SEC16A: variants seen among roughly 807,000 people sequenced by gnomAD.
SEC16A encodes SEC16 homolog A, endoplasmic reticulum export factor.
Under a neutral mutation model 221.9 loss-of-function variants are expected in SEC16A, and 110 were observed. The observed-to-expected ratio is 0.50, with a 90% CI of 0.42 to 0.58. The LOEUF (loss-of-function observed/expected upper bound fraction) is 0.58, where lower values mean the gene tolerates loss of function less well. Among genes scored for constraint, SEC16A ranks in the 20% least tolerant of loss-of-function variants. SEC16A has a pLI of 0.00. For synonymous variants in SEC16A, 1,393 were observed against 1,257.7 expected (o/e 1.11, Z -2.28); for missense variants, 3,165 against 3,097.8 (o/e 1.02, Z -0.52).
In SEC16A at chr9:136,440,339, T is replaced by C. The variant is rs1053168630; in HGVS notation, c.*1416A>G. On this transcript the variant is annotated 3_prime_UTR_variant, in exon 32 of 32. Transcript: ENST00000684901. ...CCTTTCTCCAAGTGACAAGGACAAA[T>C]GGATCCAGCGGGACACGCCTGTGGA... 6 of 152,358 alleles carry C rather than the reference T, an allele frequency of 3.9e-5. No homozygotes were observed. Among genetic ancestry groups the C allele is most frequent in the African/African-American group, 1.4e-4 (6 of 41,446 alleles). 9.4% of individuals were successfully genotyped at this position (152,358 alleles called of 1,614,324 possible). A position where few individuals can be genotyped will look rare whatever the true frequency, so the allele number is the denominator to read the frequency against.
Position 136,453,515 on chromosome 9 carries a change from C to G in SEC16A, c.6077-5G>C, listed in dbSNP as rs1291263291. 6.2e-7 allele frequency: 1 copy of G among 1,610,444 alleles called. No homozygotes were observed. Among genetic ancestry groups the G allele is most frequent in the South Asian group, 1.1e-5 (1 of 90,974 alleles). ...GCGCCTCCTGCGGCACTATCCCTGT[C>G]AACGGGAAAGAGAGCAACTATGATC... On this transcript the variant is annotated splice_polypyrimidine_tract_variant and splice_region_variant and intron_variant, in intron 21 of 31. Transcript: ENST00000684901.
chr9:136,467,163 A>T (rs1255275394), intron 5 of SEC16A, 80 bp from the exon 6 acceptor site: 1 of 1,531,238 alleles, frequency 6.5e-7, no homozygotes, highest in Non-Finnish European at 8.9e-7. Flanking sequence ...AAGCGACACC[A>T]CCCCAGGACT....
At chr9:136,470,009 C>T (rs1840651931) in intron 4 of SEC16A, among the ~76,000 whole-genome samples, 1 of 152,386 alleles carries the variant, frequency 6.6e-6, no homozygotes, top group South Asian at 2.1e-4. Context: ...AGTCATTCAT[C>T]AGGAGCAACA....
chr9:136,478,402 CAAA>C (rs34093106), intron 2 of SEC16A, among the ~76,000 whole-genome samples: 22 of 95,218 alleles, frequency 2.3e-4, no homozygotes, highest in Non-Finnish European at 1.8e-4. Context: ...GTCCCTAGCT[CAAA>C]AAAAAAAAAA....
At chr9:136,446,757 A>G (rs1837048869) in intron 28 of SEC16A, 98 bp downstream of exon 28, 3 of 1,248,626 alleles carry the variant, frequency 2.4e-6, no homozygotes, top group African/African-American at 3.0e-5. Flanking sequence ...CTACGTACAC[A>G]TTGGATACTG....
In SEC16A at chr9:136,441,731, G is replaced by T; in HGVS notation, c.*24C>A. 1 of 1,611,036 alleles carries T rather than the reference G, an allele frequency of 6.2e-7. No individual in the cohort carries two copies. ...GAGAACAGCAGCGTCAGGGCTCCAA[G>T]TGCAAGTTCACAGCAGGGCAAGCCT... On this transcript the variant is annotated 3_prime_UTR_variant, in exon 32 of 32. Transcript: ENST00000684901.
intron 4 of SEC16A, among the ~76,000 whole-genome samples, chr9:136,469,758 C>G (rs970478749): frequency 6.6e-6 from 1 of 152,216 alleles, no homozygotes; most frequent in Non-Finnish European, 1.5e-5. Context: ...GGAGACATCA[C>G]GGGAGCTGCA....
In SEC16A at chr9:136,473,655, C is replaced by T. The variant is rs192393585; in HGVS notation, c.3567+394G>A. The stretch of plus-strand genomic sequence containing the variant: ...CTATGGTTATACCCAATGCTTCTGA[C>T]GTAAGCTTCCAGAGGCTAGCCCAGC... On this transcript the variant is annotated intron_variant, in intron 3 of 31. Coordinates refer to ENST00000684901, the MANE Select transcript of SEC16A (RefSeq NM_014866.2). 2.8e-4 allele frequency among the ~76,000 whole-genome samples: 42 copies of T among 152,354 alleles called. 1 individual carries two copies. Among genetic ancestry groups the T allele is most frequent in the Admixed American group, 5.9e-4 (9 of 15,308 alleles).
rs1841322401 is a variant in SEC16A at position 136,474,337 on chromosome 9, G to A, written c.3279C>T (p.Ala1093=). 1 of 1,612,378 alleles carries A rather than the reference G, an allele frequency of 6.2e-7. No individual in the cohort carries two copies. Among genetic ancestry groups the A allele is most frequent in the Non-Finnish European group, 8.5e-7 (1 of 1,179,634 alleles). Residue 1093 remains alanine, a synonymous_variant, in exon 3 of 32, where the codon GCC becomes GCT. Transcript: ENST00000684901. ...TTGCTGGTGACTGTGCTGAGTTCTG[G>A]GCCTGTCCCTGTGCGGGCAGACTTT... The part of the protein sequence containing the change: ...NPESLPAQGQ[A]QNSAQSPASL...
intron 4 of SEC16A, among the ~76,000 whole-genome samples, 180 bp downstream of exon 4, chr9:136,471,795 C>T (rs1019242098): frequency 2.6e-5 from 4 of 152,238 alleles, no homozygotes; most frequent in Non-Finnish European, 5.9e-5. Context: ...TGTTTAATTT[C>T]ATTTAAAAAC....
At chr9:136,461,853 T>A (rs1020029336) in intron 12 of SEC16A, among the ~76,000 whole-genome samples, 1 of 151,310 alleles carries the variant, frequency 6.6e-6, no homozygotes, top group Non-Finnish European at 1.5e-5. Context: ...ATGCCTATAA[T>A]CCCAGCACTT....
At position 136,466,041 on chromosome 9, in the gene SEC16A, G is replaced by A; in HGVS notation, c.4224C>T (p.Tyr1408=). 2 of 1,613,580 alleles carry A rather than the reference G, an allele frequency of 1.2e-6. No individual in the cohort carries two copies. The highest frequency in any genetic ancestry group is 1.7e-6 in the Non-Finnish European group (2 of 1,179,832). The change falls in exon 8 of 32, where the codon TAC becomes TAT. Residue 1408 remains tyrosine, a synonymous_variant. Coordinates refer to ENST00000684901, the MANE Select transcript of SEC16A (RefSeq NM_014866.2). This position sits in a 1 kb window ranked among gnomAD's most constrained non-coding sequence, Gnocchi z 5.5. The stretch of plus-strand genomic sequence containing the variant: ...CGGGGCCACTGCTGAAATTGCTGCG[G>A]TAGGTGCCGTAGGCAAAATCGCCGT... ...SFHGDFAYGT[Y]RSNFSSGPGF...
chr9:136,476,317 A>G lies in SEC16A; in HGVS notation c.1299T>C (p.Asn433=). 6.2e-7 allele frequency: 1 copy of G among 1,612,238 alleles called. No individual in the cohort carries two copies. The highest frequency in any genetic ancestry group is 8.5e-7 in the Non-Finnish European group (1 of 1,179,374). ...CACCCCACACATCACCAGCAGCCTCATTGCTGGGGCCTGGGAGAAGGGCCT... is the reference window on the plus strand; with the variant it reads ...CACCCCACACATCACCAGCAGCCTCGTTGCTGGGGCCTGGGAGAAGGGCCT... ...LCQALLPGPS[N]EAAGDVWGDT... The change falls in exon 3 of 32, where the codon AAT becomes AAC. Residue 433 remains asparagine, a synonymous_variant. Transcript: ENST00000684901.
chr9:136,471,913 C>A, intron 4 of SEC16A, 62 bp downstream of exon 4: 2 of 1,580,576 alleles, frequency 1.3e-6, no homozygotes, highest in South Asian at 2.2e-5. Flanking sequence ...ATCCCCATAG[C>A]AAGCAACACA....
At position 136,472,062 on chromosome 9, in the gene SEC16A, G is replaced by A. The variant is rs150877534; in HGVS notation, c.3617C>T (p.Ala1206Val). 1.6e-4 allele frequency: 262 copies of A among 1,613,558 alleles called. No individual in the cohort carries two copies. The highest frequency in any genetic ancestry group is 2.5e-4 in the Admixed American group (15 of 60,018). The change falls in exon 4 of 32, where the codon GCG (alanine) becomes GTG (valine). Residue 1206 changes from alanine (A) to valine (V), a missense_variant. Physicochemically the swap from Ala to Val is moderately conservative, Grantham distance 64 (BLOSUM62 0). Transcript: ENST00000684901. ...EPRYRPYDGA[A>V]SAYAQNYRYP... Reference sequence around the variant, plus strand: ...GCGGTAGTTCTGGGCGTAAGCAGACGCAGCACCATCATAGGGCCTGTATCG... The same window carrying A: ...GCGGTAGTTCTGGGCGTAAGCAGACACAGCACCATCATAGGGCCTGTATCG...
Position 136,445,644 on chromosome 9 carries a change from C to A in SEC16A, c.6867+1G>T. ...GGGGCCCTGGCGTCGGCACTCCTTA[C>A]CTCTCCTCCCTGGGAACCCTCAGGC... is the stretch of plus-strand genomic sequence containing the variant. On this transcript the variant is annotated splice_donor_variant, in intron 29 of 31. Coordinates refer to ENST00000684901, the MANE Select transcript of SEC16A (RefSeq NM_014866.2). LOFTEE classifies it high-confidence loss of function. 6.5e-7 allele frequency: 1 copy of A among 1,550,018 alleles called. No individual in the cohort carries two copies. Among genetic ancestry groups the A allele is most frequent in the Non-Finnish European group, 8.7e-7 (1 of 1,146,600 alleles).
rs772451355 is a variant in SEC16A at position 136,464,498 on chromosome 9, A to G, written c.4368T>C (p.Pro1456=). ...SVPHVCARFG[P]GGQLIKVIPN... The stretch of plus-strand genomic sequence containing the variant: ...GAATCACTTTGATAAGCTGACCGCC[A>G]GGGCCAAACCTGGCACAGACATGAG... Residue 1456 remains proline (P), a synonymous_variant, in exon 9 of 32, where the codon CCT becomes CCC. Coordinates refer to ENST00000684901, the MANE Select transcript of SEC16A (RefSeq NM_014866.2). 6.2e-7 allele frequency: 1 copy of G among 1,612,832 alleles called. No individual in the cohort carries two copies. Among genetic ancestry groups the G allele is most frequent in the Non-Finnish European group, 8.5e-7 (1 of 1,178,894 alleles).
intron 1 of SEC16A, among the ~76,000 whole-genome samples, chr9:136,480,829 G>A (rs2133119427): frequency 6.6e-6 from 1 of 152,132 alleles, no homozygotes; most frequent in Admixed American, 6.5e-5. Flanking sequence ...GGCGGAGCTT[G>A]CAGTGAGCTG....
At chr9:136,481,309 T>C (rs896530740) in intron 1 of SEC16A, among the ~76,000 whole-genome samples, 3 of 151,980 alleles carry the variant, frequency 2.0e-5, no homozygotes, top group Non-Finnish European at 4.4e-5. Flanking sequence ...CTAATTTTTT[T>C]TTGTATTTTC....
Sources: gnomAD v4.1 joint callset for allele counts (sites outside exome capture counted in the v4.1 genomes callset) on GRCh38, gnomAD v4.1.1 for gene constraint, Gnocchi (gnomAD v3.1) non-coding constraint, MANE v1.5 for transcripts, NCBI Gene and HGNC (gene_info 2026-07-23, HGNC 2026-07-21) for gene names.